Variants in ULK4 observed in about 807,000 individuals in gnomAD.
ULK4 encodes the protein inactive serine/threonine-protein kinase ULK4.
In ULK4, 133 loss-of-function variants were observed where a neutral mutation model predicts 160.6. The observed-to-expected ratio is 0.83, with a 90% CI of 0.72 to 0.96. The LOEUF is 0.96. Ranked by LOEUF, ULK4 falls within the 40% of genes least tolerant of loss-of-function variation. ULK4 has a pLI of 0.00. For missense variants in ULK4, 1,580 were observed against 1,499.5 expected (o/e 1.05, Z -0.89); for synonymous variants, 534 against 539.8 (o/e 0.99, Z 0.15).
intron 35 of ULK4, among the ~76,000 whole-genome samples, chr3:41,313,440 T>C (rs986117812): frequency 6.6e-6 from 1 of 152,216 alleles, no homozygotes; most frequent in Non-Finnish European, 1.5e-5. Flanking sequence ...TTTTCTTAGA[T>C]AGTGGGACTA....
At chr3:41,952,768 T>A (rs1312612426) in intron 2 of ULK4, among the ~76,000 whole-genome samples, 1 of 152,254 alleles carries the variant, frequency 6.6e-6, no homozygotes, top group Non-Finnish European at 1.5e-5. Flanking sequence ...ATCCACATAT[T>A]CATAGCACCA....
intron 27 of ULK4, among the ~76,000 whole-genome samples, chr3:41,692,398 G>A (rs2036335947): frequency 6.6e-6 from 1 of 152,016 alleles, no homozygotes; most frequent in South Asian, 2.1e-4. Context: ...CTGAATCATT[G>A]AGACAATAGA....
chr3:41,540,192 A>C (rs2086646562), intron 32 of ULK4, among the ~76,000 whole-genome samples: 1 of 152,030 alleles, frequency 6.6e-6, no homozygotes, highest in African/African-American at 2.4e-5. Context: ...TATTTCTCCT[A>C]ATGCTCTCCC....
At chr3:41,890,717 GAGGGACGGGAGGGAAGGA>G (rs1559631656) in intron 16 of ULK4, among the ~76,000 whole-genome samples, 1 of 95,734 alleles carries the variant, frequency 1.0e-5, no homozygotes, top group East Asian at 3.6e-4. Context: ...GAAGGGACAG[GAGGGACGGGAGGGAAGGA>G]AGGGACAGGA....
At position 41,385,736 on chromosome 3, in the gene ULK4, G is replaced by T. The variant is rs1392399605; in HGVS notation, c.3678+12343C>A. Among the ~76,000 whole-genome samples the T allele has an allele frequency of 2.6e-5, 4 of 152,264 alleles. No individual in the cohort carries two copies. In the East Asian group the frequency reaches 7.7e-4, roughly 29 times the overall value. On this transcript the variant is annotated intron_variant, in intron 35 of 36. Coordinates refer to ENST00000301831, the MANE Select transcript of ULK4 (RefSeq NM_017886.4). ...AATTGCTTGCAGTGGATCATGATGTGTAGTTGGAAAAACACAAATCTCAAT... is the reference window on the plus strand; with the variant it reads ...AATTGCTTGCAGTGGATCATGATGTTTAGTTGGAAAAACACAAATCTCAAT...
At chr3:41,621,103 GA>G (rs1185030309) in intron 30 of ULK4, among the ~76,000 whole-genome samples, 2 of 151,996 alleles carry the variant, frequency 1.3e-5, no homozygotes, top group South Asian at 2.1e-4. Flanking sequence ...CACTGCTCAA[GA>G]AAATAAGAGA....
At chr3:41,946,737 T>C (rs1700123784) in intron 2 of ULK4, among the ~76,000 whole-genome samples, 1 of 152,190 alleles carries the variant, frequency 6.6e-6, no homozygotes, top group African/African-American at 2.4e-5. Context: ...AGTTTCTCTG[T>C]TGTGATCAGG....
At chr3:41,772,164 G>A (rs1021489703) in intron 21 of ULK4, among the ~76,000 whole-genome samples, 1 of 152,068 alleles carries the variant, frequency 6.6e-6, no homozygotes, top group Non-Finnish European at 1.5e-5. Flanking sequence ...AAGAACTAGA[G>A]AAGCAAGAGC....
At chr3:41,699,594 G>T (rs907896385) in intron 27 of ULK4, among the ~76,000 whole-genome samples, 1 of 152,148 alleles carries the variant, frequency 6.6e-6, no homozygotes, top group Non-Finnish European at 1.5e-5. Flanking sequence ...GGAGCTAAAT[G>T]GTCTAAAACT....
chr3:41,728,079 G>A (rs978439014), intron 22 of ULK4, among the ~76,000 whole-genome samples: 1 of 152,110 alleles, frequency 6.6e-6, no homozygotes, highest in Non-Finnish European at 1.5e-5. Context: ...AGACATTAAC[G>A]TTTCGGTAGC....
chr3:41,247,034 TAAGGTAAAGTGCTCCCCCCTTTCA>T, intron 36 of ULK4, 42 bp from the exon 37 acceptor site: 1 of 1,578,542 alleles, frequency 6.3e-7, no homozygotes, highest in Non-Finnish European at 8.7e-7. Flanking sequence ...TAGGCATCTC[TAAGGTAAAGTGCTCCCCCCTTTCA>T]AAGGGGCCAG....
At chr3:41,926,337 C>T (rs989939756) in intron 5 of ULK4, among the ~76,000 whole-genome samples, 1 of 152,170 alleles carries the variant, frequency 6.6e-6, no homozygotes, top group Non-Finnish European at 1.5e-5. Context: ...GAAACCCCAT[C>T]CGAAGGTCAC....
chr3:41,921,429 G>A (rs1212562052), intron 5 of ULK4, among the ~76,000 whole-genome samples: 2 of 151,862 alleles, frequency 1.3e-5, no homozygotes, highest in African/African-American at 4.8e-5. Flanking sequence ...GGCTAACATG[G>A]TAAAACCCCG....
At chr3:41,667,017 A>G (rs2035370041) in intron 29 of ULK4, among the ~76,000 whole-genome samples, 1 of 151,988 alleles carries the variant, frequency 6.6e-6, no homozygotes. Flanking sequence ...AATTGGGTGC[A>G]AGGGCACAAA....
At position 41,375,618 on chromosome 3, in the gene ULK4, C is replaced by A. The variant is rs2081472265; in HGVS notation, c.3678+22461G>T. On this transcript the variant is annotated intron_variant, in intron 35 of 36. Transcript: ENST00000301831. ...CTGTACCCCTTCCCTACACCTTATA[C>A]AAAAATTAATTCAAGATGGATTAAA... Among the ~76,000 whole-genome samples, 3 of 150,224 alleles carry A rather than the reference C, an allele frequency of 2.0e-5. No homozygotes were observed. The South Asian group carries it at 6.5e-4, about 33-fold the overall frequency.
chr3:41,817,435 G>A (rs892940034), intron 19 of ULK4, among the ~76,000 whole-genome samples: 6 of 152,152 alleles, frequency 3.9e-5, no homozygotes, highest in African/African-American at 1.4e-4. Flanking sequence ...AAAGAACTAT[G>A]CAGCCATAAA....
At chr3:41,322,921 A>T (rs2080271381) in intron 35 of ULK4, among the ~76,000 whole-genome samples, 1 of 152,036 alleles carries the variant, frequency 6.6e-6, no homozygotes, top group Non-Finnish European at 1.5e-5. Context: ...AGTATATATA[A>T]TAGCCGTGTG....
At chr3:41,750,533 T>C (rs1238416177) in intron 22 of ULK4, among the ~76,000 whole-genome samples, 4 of 152,164 alleles carry the variant, frequency 2.6e-5, no homozygotes, top group African/African-American at 4.8e-5. Flanking sequence ...AATGGTTTAA[T>C]GTACCCTTTA....
At chr3:41,491,324 AATAAAATACAAC>A (rs2084754222) in intron 32 of ULK4, among the ~76,000 whole-genome samples, 1 of 124,230 alleles carries the variant, frequency 8.0e-6, no homozygotes, top group African/African-American at 3.0e-5. Context: ...AAAAATAAAA[AATAAAATACAAC>A]AGTAAGAAAA....
Sources: allele counts gnomAD v4.1 joint callset (sites outside exome capture counted in the v4.1 genomes callset), GRCh38; gene constraint gnomAD v4.1.1; transcripts MANE v1.5; gene names NCBI Gene and HGNC (gene_info 2026-07-23, HGNC 2026-07-21).